Variants in PCDHA6 observed in about 807,000 individuals in gnomAD.
PCDHA6 encodes protocadherin alpha 6.
In PCDHA6, 55 loss-of-function variants were observed where a neutral mutation model predicts 60.3. The observed-to-expected ratio is 0.91, with a 90% CI of 0.73 to 1.14. The LOEUF (loss-of-function observed/expected upper bound fraction) is 1.14, where lower values mean the gene tolerates loss of function less well. PCDHA6 is among the 50% of genes most tolerant of loss of function. The pLI, the probability that PCDHA6 is intolerant of heterozygous loss-of-function variation, is 0.00. For synonymous variants in PCDHA6, 652 were observed against 557.9 expected (o/e 1.17, Z -2.38); for missense variants, 1,327 against 1,256.5 (o/e 1.06, Z -0.85).
intron 1 of PCDHA6, chr5:140,877,501 A>T: frequency 6.2e-7 from 1 of 1,613,804 alleles, no homozygotes; most frequent in Non-Finnish European, 8.5e-7. Flanking sequence ...CCAGGCCCCA[A>T]AGACGTCGTC....
intron 1 of PCDHA6, among the ~76,000 whole-genome samples, chr5:140,902,720 C>A (rs371638113): frequency 6.6e-6 from 1 of 152,050 alleles, no homozygotes; most frequent in African/African-American, 2.4e-5. Flanking sequence ...CCCCTCCCAC[C>A]CTTCCCTCCA....
intron 1 of PCDHA6, chr5:140,859,908 T>C (rs1554152827): frequency 6.6e-6 from 1 of 150,380 alleles, no homozygotes; most frequent in Non-Finnish European, 1.5e-5. Context: ...CTTAATGTCT[T>C]ATATTATAAG....
chr5:140,857,412 C>T lies in PCDHA6; in HGVS notation c.2394+26927C>T, dbSNP rs782751627. On this transcript the variant is annotated intron_variant, in intron 1 of 3. Transcript: ENST00000529310. ...GTGAACGACAACGCGCCTGCGTTCGCGCAGTCCGAGTACACGGTGTTCGTG... is the reference window on the plus strand; with the variant it reads ...GTGAACGACAACGCGCCTGCGTTCGTGCAGTCCGAGTACACGGTGTTCGTG... 19 of 1,598,336 alleles carry T rather than the reference C, an allele frequency of 1.2e-5. 1 individual carries two copies. Among genetic ancestry groups the T allele is most frequent in the Non-Finnish European group, 1.4e-5 (16 of 1,167,836 alleles).
chr5:140,982,609 G>A, intron 3 of PCDHA6, 46 bp downstream of exon 3: 1 of 1,600,864 alleles, frequency 6.2e-7, no homozygotes, highest in East Asian at 2.2e-5. Context: ...TCTGGAAAGT[G>A]ATCAGATGAC....
In PCDHA6 at chr5:140,928,627, T is replaced by G. The variant is rs782634688; in HGVS notation, c.2395-50322T>G. The G allele has an allele frequency of 1.5e-5, 24 of 1,614,220 alleles. No homozygotes were observed. The highest frequency in any genetic ancestry group is 1.9e-5 in the Non-Finnish European group (23 of 1,180,026). On this transcript the variant is annotated intron_variant, in intron 1 of 3. Transcript: ENST00000529310. ...GCCCCGCTCTGCCAGGACTGGACAC[T>G]TGGTCACAAAAGTGGTAGCAGAGGA...
At chr5:140,884,622 G>A (rs781857198) in intron 1 of PCDHA6, 1 of 1,613,948 alleles carries the variant, frequency 6.2e-7, no homozygotes, top group Non-Finnish European at 8.5e-7. Context: ...TCTGCAGAGG[G>A]AACAGGCCAG....
intron 3 of PCDHA6, among the ~76,000 whole-genome samples, chr5:140,992,192 C>T (rs2097497943): frequency 6.6e-6 from 1 of 152,124 alleles, no homozygotes; most frequent in Admixed American, 6.5e-5. Flanking sequence ...TTTCAGTGAT[C>T]TATCCAATCA....
chr5:140,916,022 A>G (rs982398362), intron 1 of PCDHA6, among the ~76,000 whole-genome samples: 1 of 151,978 alleles, frequency 6.6e-6, no homozygotes, highest in Non-Finnish European at 1.5e-5. Context: ...AGTCTTTCCC[A>G]TTCTTCCCTC....
chr5:140,956,186 T>C (rs1305769419), intron 1 of PCDHA6, among the ~76,000 whole-genome samples: 1 of 152,204 alleles, frequency 6.6e-6, no homozygotes, highest in Non-Finnish European at 1.5e-5. Context: ...AATACTATGC[T>C]GAATAGGAGT....
chr5:140,986,204 T>A (rs2097190386), intron 3 of PCDHA6, among the ~76,000 whole-genome samples: 1 of 152,224 alleles, frequency 6.6e-6, no homozygotes, highest in African/African-American at 2.4e-5. Context: ...TAATCCTGAT[T>A]ACTGGCCCCT....
chr5:140,985,887 C>A (rs765609645), intron 3 of PCDHA6, among the ~76,000 whole-genome samples: 2 of 151,840 alleles, frequency 1.3e-5, no homozygotes, highest in Non-Finnish European at 2.9e-5. Context: ...CTACAGGCGC[C>A]CGCCACCACT....
At chr5:140,848,770 G>A in intron 1 of PCDHA6, 1 of 1,593,518 alleles carries the variant, frequency 6.3e-7, no homozygotes, top group Non-Finnish European at 8.6e-7. Flanking sequence ...CGGATCGACC[G>A]CGAGGAGCTG....
intron 1 of PCDHA6, among the ~76,000 whole-genome samples, chr5:140,939,059 T>C (rs2092309221): frequency 6.6e-6 from 1 of 152,234 alleles, no homozygotes; most frequent in Non-Finnish European, 1.5e-5. Flanking sequence ...TTTGGGCTGC[T>C]ATATCAAAAT....
rs185914290 is a variant in PCDHA6, at chr5:140,920,039, G to C, written c.2395-58910G>C. ...AGATGGAGACAGAGATTGGAGTGAT[G>C]TCAACAGCCACCAACACCTGGAAAA... On this transcript the variant is annotated intron_variant, in intron 1 of 3. Transcript: ENST00000529310. Among the ~76,000 whole-genome samples, 5 of 152,280 alleles carry C rather than the reference G, an allele frequency of 3.3e-5. No homozygotes were observed. In the South Asian group the frequency reaches 1.0e-3, roughly 32 times the overall value.
At chr5:140,929,013 G>A in intron 1 of PCDHA6, 1 of 1,614,120 alleles carries the variant, frequency 6.2e-7, no homozygotes, top group South Asian at 1.1e-5. Context: ...GTACCAAGTT[G>A]CACCAGAGCC....
chr5:141,007,079 TAGAGA>T (rs1308407580), intron 3 of PCDHA6, among the ~76,000 whole-genome samples: 1 of 151,804 alleles, frequency 6.6e-6, no homozygotes, highest in African/African-American at 2.4e-5. Flanking sequence ...GAAGAGAAAA[TAGAGA>T]AGAGAGTCTA....
rs782716439 is a variant in PCDHA6, at chr5:140,858,074, A to C, written c.2394+27589A>C. The stretch of plus-strand genomic sequence containing the variant: ...GCTTGTGGAGGGCAGCCAGGCACCC[A>C]AGGCCTCGTCGCGGGCTTCAGTGGG... On this transcript the variant is annotated intron_variant, in intron 1 of 3. Coordinates refer to ENST00000529310, the MANE Select transcript of PCDHA6 (RefSeq NM_018909.4). 3 of 1,597,526 alleles carry C rather than the reference A, an allele frequency of 1.9e-6. No homozygotes were observed. The African/African-American group carries it at 4.0e-5, about 21-fold the overall frequency.
rs1252148937 is a variant in PCDHA6 at position 141,009,582 on chromosome 5, G to T, written c.2543-45G>T. On this transcript the variant is annotated intron_variant, in intron 3 of 3. Coordinates refer to ENST00000529310, the MANE Select transcript of PCDHA6 (RefSeq NM_018909.4). ...CTCTACCAGCAGTGTGGCATCAAGA[G>T]CATGTGTTGACCCTGTTAATGATTT... 16 of 1,590,108 alleles carry T rather than the reference G, an allele frequency of 1.0e-5. No homozygotes were observed. In the African/African-American group the frequency reaches 2.0e-4, roughly 20 times the overall value.
intron 1 of PCDHA6, among the ~76,000 whole-genome samples, chr5:140,899,376 A>G (rs2153463773): frequency 6.6e-6 from 1 of 152,262 alleles, no homozygotes; most frequent in South Asian, 2.1e-4. Flanking sequence ...TCAATACCTA[A>G]TTTATTGAGA....
Sources: allele counts gnomAD v4.1 joint callset (sites outside exome capture counted in the v4.1 genomes callset), GRCh38; gene constraint gnomAD v4.1.1; transcripts MANE v1.5; gene names NCBI Gene and HGNC (gene_info 2026-07-23, HGNC 2026-07-21).